Variants in CEP83 observed in about 807,000 individuals in gnomAD.
CEP83 encodes centrosomal protein of 83 kDa.
A neutral mutation model predicts 101.9 loss-of-function variants in CEP83; 70 were observed. The observed-to-expected ratio is 0.69, with a 90% confidence interval of 0.57 to 0.84. The LOEUF (loss-of-function observed/expected upper bound fraction) is 0.84. Among genes scored for constraint, CEP83 ranks in the 40% least tolerant of loss-of-function variants. The pLI, the probability that CEP83 is intolerant of heterozygous loss-of-function variation, is 0.00. For synonymous variants in CEP83, 264 were observed against 267.9 expected (o/e 0.99, Z 0.14); for missense variants, 715 against 787.2 (o/e 0.91, Z 1.10).
intron 14 of CEP83, among the ~76,000 whole-genome samples, chr12:94,319,905 T>G (rs1971356841): frequency 6.6e-6 from 1 of 152,188 alleles, no homozygotes; most frequent in African/African-American, 2.4e-5. Flanking sequence ...CCTGAATATC[T>G]TTGTTAACTT....
In CEP83 at chr12:94,378,926, T is replaced by C; in HGVS notation, c.666A>G (p.Gln222=). Residue 222 remains glutamine (Q), a synonymous_variant, in exon 7 of 17, where the codon CAA becomes CAG. Coordinates refer to ENST00000397809, the MANE Select transcript of CEP83 (RefSeq NM_016122.3). ...QLAREKVYLC[Q]KLKGLEAEVA... ...CTTCAGCCTCTAAACCTTTTAATTT[T>C]TGACACAAATAGACTTTTTCTCGAG... 2 of 1,614,130 alleles carry C rather than the reference T, an allele frequency of 1.2e-6. No homozygotes were observed. Among genetic ancestry groups the C allele is most frequent in the Non-Finnish European group, 1.7e-6 (2 of 1,180,000 alleles).
intron 1 of CEP83, among the ~76,000 whole-genome samples, chr12:94,438,213 T>A (rs149167218): frequency 1.2e-3 from 184 of 148,086 alleles, no homozygotes; most frequent in African/African-American, 4.5e-3. Flanking sequence ...AGTGAGACTG[T>A]CCCAATTAAA....
chr12:94,285,751 T>C, the CEP83 span, among the ~76,000 whole-genome samples: 4 of 152,130 alleles, frequency 2.6e-5, no homozygotes, highest in Non-Finnish European at 2.9e-5. Flanking sequence ...TTCAGGGTTC[T>C]AGACCTGCAA....
chr12:94,385,105 C>T (rs920830828), intron 6 of CEP83, among the ~76,000 whole-genome samples: 4 of 152,090 alleles, frequency 2.6e-5, no homozygotes, highest in Admixed American at 6.6e-5. Context: ...GTAGTAGTCC[C>T]GATTCTCCAC....
chr12:94,459,305 C>A (rs1017237814), intron 1 of CEP83, among the ~76,000 whole-genome samples: 1 of 152,192 alleles, frequency 6.6e-6, no homozygotes, highest in Non-Finnish European at 1.5e-5. Flanking sequence ...ATAGCTTTTT[C>A]ATCGTAAATT....
intron 1 of CEP83, among the ~76,000 whole-genome samples, chr12:94,457,639 T>G (rs189318122): frequency 6.6e-6 from 1 of 152,230 alleles, no homozygotes; most frequent in Admixed American, 6.5e-5. Flanking sequence ...ATTAAGTCCA[T>G]GGATTTTAGC....
chr12:94,281,003 A>G, the CEP83 span, among the ~76,000 whole-genome samples: 1 of 152,154 alleles, frequency 6.6e-6, no homozygotes, highest in Non-Finnish European at 1.5e-5. Context: ...ACCAGGCTGG[A>G]CGTGGTGGCT....
the CEP83 span, chr12:94,301,173 A>G: frequency 1.4e-6 from 1 of 691,076 alleles, no homozygotes; most frequent in Non-Finnish European, 2.3e-6. Flanking sequence ...CTAAAAAGAG[A>G]TAGCAAGGGC....
chr12:94,393,350 T>C (rs1279488349), intron 6 of CEP83, among the ~76,000 whole-genome samples: 3 of 152,128 alleles, frequency 2.0e-5, no homozygotes, highest in Non-Finnish European at 4.4e-5. Flanking sequence ...TAATCCAGCA[T>C]ATAAACAGAA....
chr12:94,450,337 C>T (rs1249760223), intron 1 of CEP83, among the ~76,000 whole-genome samples: 6 of 152,206 alleles, frequency 3.9e-5, no homozygotes, highest in Non-Finnish European at 5.9e-5. Flanking sequence ...CTGCAAGCTC[C>T]GCCTCCCGGG....
chr12:94,427,866 G>C (rs1235069445), intron 2 of CEP83, among the ~76,000 whole-genome samples: 1 of 152,106 alleles, frequency 6.6e-6, no homozygotes, highest in Non-Finnish European at 1.5e-5. Flanking sequence ...AACAGCCTTT[G>C]GATAGCCATC....
At chr12:94,275,779 C>T in the CEP83 span, among the ~76,000 whole-genome samples, 2 of 121,492 alleles carry the variant, frequency 1.6e-5, 1 homozygote, top group African/African-American at 6.7e-5. Context: ...GGCGTGAACC[C>T]GGGAGGCGGA....
At chr12:94,409,400 C>T (rs2063743360) in intron 4 of CEP83, among the ~76,000 whole-genome samples, 1 of 151,636 alleles carries the variant, frequency 6.6e-6, no homozygotes, top group Admixed American at 6.6e-5. Context: ...GGAGGAACAT[C>T]CAAAGTTACC....
In CEP83 at chr12:94,416,674, G is replaced by A. The variant is rs553446728; in HGVS notation, c.-101-4083C>T. ...AAATACCCTAATACTGGGCCAAGATGGTGCACAAGAAGGCTCACCAGAAAA... is the reference window on the plus strand; with the variant it reads ...AAATACCCTAATACTGGGCCAAGATAGTGCACAAGAAGGCTCACCAGAAAA... On this transcript the variant is annotated intron_variant, in intron 2 of 16. Coordinates refer to ENST00000397809, the MANE Select transcript of CEP83 (RefSeq NM_016122.3). Among the ~76,000 whole-genome samples the A allele has an allele frequency of 2.6e-5, 4 of 152,026 alleles. No homozygotes were observed. In the East Asian group the frequency reaches 7.7e-4, roughly 29 times the overall value.
At chr12:94,381,617 G>A (rs1228825183) in intron 6 of CEP83, among the ~76,000 whole-genome samples, 1 of 151,986 alleles carries the variant, frequency 6.6e-6, no homozygotes, top group South Asian at 2.1e-4. Context: ...TTACCTTTAC[G>A]ATATAACATA....
intron 11 of CEP83, among the ~76,000 whole-genome samples, chr12:94,338,565 G>C (rs557256841): frequency 6.8e-6 from 1 of 146,708 alleles, no homozygotes; most frequent in African/African-American, 2.5e-5. Context: ...TTTTCAGCAG[G>C]GGGAGAGGCA....
rs2061688888 is a variant in CEP83 at position 94,378,894 on chromosome 12, T to C, written c.698A>G (p.Glu233Gly). ...AGAATTCTCCTTTTCAGCCTTTAAT[T>C]CCGCTACTTCAGCCTCTAAACCTTT... ...KLKGLEAEVA[E>G]LKAEKENSEA... Residue 233 changes from glutamate (E) to glycine (G), a missense_variant, in exon 7 of 17, where the codon GAA (glutamate) becomes GGA (glycine). Coordinates refer to ENST00000397809, the MANE Select transcript of CEP83 (RefSeq NM_016122.3). 1 of 1,614,004 alleles carries C rather than the reference T, an allele frequency of 6.2e-7. No individual in the cohort carries two copies. Among genetic ancestry groups the C allele is most frequent in the Non-Finnish European group, 8.5e-7 (1 of 1,180,004 alleles).
intron 11 of CEP83, among the ~76,000 whole-genome samples, chr12:94,363,619 A>G (rs991828060): frequency 1.3e-5 from 2 of 152,148 alleles, no homozygotes; most frequent in Non-Finnish European, 2.9e-5. Context: ...AATATAGTAT[A>G]TATGTAGAAC....
At chr12:94,331,651 T>A (rs752108708) in intron 14 of CEP83, 49 bp downstream of exon 14, 19 of 1,588,092 alleles carry the variant, frequency 1.2e-5, no homozygotes, top group Non-Finnish European at 1.6e-5. Flanking sequence ...GGATTACAGG[T>A]GTGAGCCACC....
Sources: allele counts gnomAD v4.1 joint callset (sites outside exome capture counted in the v4.1 genomes callset), GRCh38; gene constraint gnomAD v4.1.1; transcripts MANE v1.5; gene names NCBI Gene and HGNC (gene_info 2026-07-23, HGNC 2026-07-21).